Variants in JMY observed in about 807,000 individuals in gnomAD.
The protein encoded by JMY is junction mediating and regulatory protein, p53 cofactor.
In JMY, 46 loss-of-function variants were observed where a neutral mutation model predicts 103.3. The ratio of observed to expected loss-of-function variants is 0.45; its 90% CI spans 0.35 to 0.57. The LOEUF is 0.57. Among genes scored for constraint, JMY ranks in the 20% least tolerant of loss-of-function variants. The probability of loss-of-function intolerance (pLI) is 0.00; values close to 1 mark genes in which losing one functional copy is unlikely to be tolerated. For synonymous variants in JMY, 526 were observed against 489.3 expected, an observed-to-expected ratio of 1.07 and a Z score of -0.99; for missense variants, 1,238 against 1,255.2, an observed-to-expected ratio of 0.99 and a Z score of 0.21.
intron 7 of JMY, among the ~76,000 whole-genome samples, chr5:79,308,472 TTC>T (rs1414291197): frequency 6.6e-6 from 1 of 152,238 alleles, no homozygotes; most frequent in East Asian, 1.9e-4. Flanking sequence ...AGACTGTCCT[TTC>T]TCCATTGAAT....
At chr5:79,310,477 A>G (rs1382676839) in intron 7 of JMY, among the ~76,000 whole-genome samples, 1 of 152,186 alleles carries the variant, frequency 6.6e-6, no homozygotes, top group African/African-American at 2.4e-5. Flanking sequence ...ATAACTAGTC[A>G]TCTTTAACAC....
intron 8 of JMY, 60 bp from the exon 9 acceptor site, chr5:79,314,197 A>T (rs1272903282): frequency 7.2e-6 from 11 of 1,538,038 alleles, no homozygotes; most frequent in Non-Finnish European, 9.6e-6. Context: ...ATAAATAGGC[A>T]TGTGCTCATA....
intron 8 of JMY, 95 bp downstream of exon 8, chr5:79,312,593 T>G (rs564688735): frequency 1.6e-6 from 1 of 609,104 alleles, no homozygotes; most frequent in South Asian, 4.2e-5. Context: ...TGGGAAAAAC[T>G]TGGTTTTCCC....
At chr5:79,301,635 G>A (rs972744065) in intron 6 of JMY, among the ~76,000 whole-genome samples, 2 of 152,090 alleles carry the variant, frequency 1.3e-5, no homozygotes, top group African/African-American at 4.8e-5. Flanking sequence ...CTTCTATCAC[G>A]TTGTCCATCA....
At chr5:79,295,111 A>G (rs1430926818) in intron 4 of JMY, among the ~76,000 whole-genome samples, 1 of 152,142 alleles carries the variant, frequency 6.6e-6, no homozygotes, top group Non-Finnish European at 1.5e-5. Context: ...TTGAGCATTG[A>G]TTATATACCA....
intron 1 of JMY, among the ~76,000 whole-genome samples, chr5:79,251,222 T>C (rs1239811291): frequency 6.6e-6 from 1 of 152,120 alleles, no homozygotes; most frequent in Non-Finnish European, 1.5e-5. Context: ...AGTTATTTCT[T>C]TATTATAAAT....
At chr5:79,279,559 C>T (rs1195771024) in intron 2 of JMY, among the ~76,000 whole-genome samples, 1 of 151,994 alleles carries the variant, frequency 6.6e-6, no homozygotes, top group Non-Finnish European at 1.5e-5. Context: ...CTTTGAGAAC[C>T]TTATGCGTGG....
chr5:79,317,365 CTAATA>C (rs1301859448), intron 10 of JMY, among the ~76,000 whole-genome samples: 3 of 152,010 alleles, frequency 2.0e-5, no homozygotes, highest in Admixed American at 1.3e-4. Context: ...TAGCATTCTC[CTAATA>C]TAATAGAGAG....
intron 6 of JMY, among the ~76,000 whole-genome samples, chr5:79,302,519 A>T (rs1203961401): frequency 6.6e-6 from 1 of 152,186 alleles, no homozygotes; most frequent in Non-Finnish European, 1.5e-5. Flanking sequence ...TAACATCTGA[A>T]TAGAAATTGG....
chr5:79,238,389 A>T (rs1744590059), intron 1 of JMY, among the ~76,000 whole-genome samples: 1 of 151,748 alleles, frequency 6.6e-6, no homozygotes, highest in Admixed American at 6.6e-5. Context: ...TTTCAAACTA[A>T]TCCTTAAAAT....
At chr5:79,310,152 T>G (rs1380851792) in intron 7 of JMY, among the ~76,000 whole-genome samples, 1 of 137,414 alleles carries the variant, frequency 7.3e-6, no homozygotes, top group Non-Finnish European at 1.5e-5. Flanking sequence ...AACCTCTACC[T>G]CCTGGCTTTG....
intron 1 of JMY, among the ~76,000 whole-genome samples, chr5:79,265,453 A>T (rs542073486): frequency 3.9e-4 from 59 of 152,236 alleles, no homozygotes; most frequent in African/African-American, 1.4e-3. Flanking sequence ...TCTAAAGGTG[A>T]GGTTCTGGTT....
intron 6 of JMY, among the ~76,000 whole-genome samples, chr5:79,305,325 G>C (rs992335502): frequency 1.3e-5 from 2 of 151,954 alleles, no homozygotes; most frequent in Non-Finnish European, 2.9e-5. Flanking sequence ...GATGGCATGC[G>C]CCTGTAGTCC....
In JMY at chr5:79,300,757, C is replaced by T. The variant is rs12109475; in HGVS notation, c.1775C>T (p.Ala592Val). 5,528 of 1,611,972 alleles carry T rather than the reference C, an allele frequency of 3.4e-3. 134 individuals are homozygous for T. In the African/African-American group the frequency reaches 0.055, roughly 16 times the overall value. Reference protein sequence around the residue: ...MLEKEEMAASAYLQREELQKL... With the variant: ...MLEKEEMAASVYLQREELQKL... The stretch of plus-strand genomic sequence containing the variant: ...GAGAAGGAAGAGATGGCAGCATCTG[C>T]GTACTTACAGAGAGAAGAGCTGCAG... Residue 592 changes from alanine (A) to valine (V), a missense_variant, in exon 6 of 11, where the codon GCG (alanine) becomes GTG (valine). Transcript: ENST00000396137.
chr5:79,311,610 C>G (rs1240328811), intron 7 of JMY, among the ~76,000 whole-genome samples: 1 of 151,948 alleles, frequency 6.6e-6, no homozygotes, highest in East Asian at 1.9e-4. Flanking sequence ...ATATAGAAAG[C>G]CTTTTCATTT....
chr5:79,318,741 A>AATATATAT (rs71830021), intron 10 of JMY, among the ~76,000 whole-genome samples: 68 of 134,786 alleles, frequency 5.0e-4, no homozygotes, highest in South Asian at 1.6e-3. Context: ...TTTGTAAAGG[A>AATATATAT]ATATATATAT....
chr5:79,264,662 C>G (rs1580340004), intron 1 of JMY, among the ~76,000 whole-genome samples: 1 of 152,166 alleles, frequency 6.6e-6, no homozygotes, highest in African/African-American at 2.4e-5. Context: ...GAGATAAGAC[C>G]CTGGCCAATG....
chr5:79,240,846 C>T (rs1353381609), intron 1 of JMY, among the ~76,000 whole-genome samples: 1 of 152,166 alleles, frequency 6.6e-6, no homozygotes, highest in African/African-American at 2.4e-5. Context: ...TTTGCAGTAA[C>T]ATTTTTTAAG....
intron 2 of JMY, among the ~76,000 whole-genome samples, chr5:79,289,466 G>A (rs1466454233): frequency 6.6e-6 from 1 of 152,022 alleles, no homozygotes; most frequent in African/African-American, 2.4e-5. Context: ...AAGATTGTAT[G>A]TATAAGTGAT....
Sources: gnomAD v4.1 joint callset for allele counts (sites outside exome capture counted in the v4.1 genomes callset) on GRCh38, gnomAD v4.1.1 for gene constraint, MANE v1.5 for transcripts, NCBI Gene and HGNC (gene_info 2026-07-23, HGNC 2026-07-21) for gene names.